The following DCT variants were observed in gnomAD, a reference collection of about 807,000 sequenced individuals.
The protein encoded by DCT is L-dopachrome tautomerase.
Under a neutral mutation model 53.0 loss-of-function variants are expected in DCT, and 47 were observed. The observed-to-expected ratio is 0.89, with a 90% confidence interval of 0.70 to 1.13. The LOEUF (loss-of-function observed/expected upper bound fraction) is 1.13. DCT is among the 50% of genes most tolerant of loss of function. The pLI is 0.00. For synonymous variants in DCT, 244 were observed against 237.0 expected (o/e 1.03, Z -0.27); for missense variants, 669 against 637.4 (o/e 1.05, Z -0.53).
At chr13:94,489,522 C>T in the DCT span, among the ~76,000 whole-genome samples, 2 of 152,214 alleles carry the variant, frequency 1.3e-5, no homozygotes, top group South Asian at 2.1e-4. Flanking sequence ...CAGAATCTGG[C>T]ACACAGTAGG....
chr13:94,477,250 C>T (rs943444196), intron 1 of DCT, among the ~76,000 whole-genome samples: 1 of 152,068 alleles, frequency 6.6e-6, no homozygotes, highest in African/African-American at 2.4e-5. Flanking sequence ...TGCCTGCCAC[C>T]ACACCCAGAT....
At chr13:94,453,450 C>T (rs959022895) in intron 6 of DCT, among the ~76,000 whole-genome samples, 5 of 151,976 alleles carry the variant, frequency 3.3e-5, no homozygotes, top group Non-Finnish European at 1.5e-5. Context: ...ATTTCACATA[C>T]AACAATGTTA....
intron 7 of DCT, among the ~76,000 whole-genome samples, chr13:94,442,778 T>G (rs1340930461): frequency 6.6e-6 from 1 of 152,320 alleles, no homozygotes; most frequent in South Asian, 2.1e-4. Flanking sequence ...GCAGGTGGTA[T>G]AGGCTAAATG....
At position 94,439,859 on chromosome 13, in the gene DCT, G is replaced by A. The variant is rs765100941; in HGVS notation, c.*39C>T. On this transcript the variant is annotated 3_prime_UTR_variant, in exon 8 of 8. Transcript: ENST00000377028. Reference sequence around the variant, plus strand: ...CTTTATTGTCAGCGTCAGAACTGTGGCTTGGCCAGCCTCTTCTCTTAGGTA... The same window carrying A: ...CTTTATTGTCAGCGTCAGAACTGTGACTTGGCCAGCCTCTTCTCTTAGGTA... 3.3e-6 allele frequency: 5 copies of A among 1,530,302 alleles called. No individual in the cohort carries two copies. In the South Asian group the frequency reaches 6.0e-5, roughly 18 times the overall value. 94.8% of individuals were successfully genotyped at this position (1,530,302 alleles called of 1,614,324 possible). A position where few individuals can be genotyped will look rare whatever the true frequency, so the allele number is the denominator to read the frequency against.
chr13:94,518,230 T>G, the DCT span, among the ~76,000 whole-genome samples: 4 of 152,106 alleles, frequency 2.6e-5, no homozygotes, highest in African/African-American at 9.6e-5. Context: ...CAACTAAGTG[T>G]TGTTAAAAAA....
chr13:94,464,871 C>A (rs79753632), intron 4 of DCT, among the ~76,000 whole-genome samples: 1 of 152,126 alleles, frequency 6.6e-6, no homozygotes, highest in Non-Finnish European at 1.5e-5. Flanking sequence ...CATCCTTCCC[C>A]GGCTGGCCCC....
chr13:94,488,869 CACATACACACACAA>C, the DCT span, among the ~76,000 whole-genome samples: 1 of 75,118 alleles, frequency 1.3e-5, no homozygotes, highest in Non-Finnish European at 3.4e-5. Flanking sequence ...TACATACACA[CACATACACACACAA>C]ACACACATAT....
chr13:94,513,019 A>G, the DCT span, among the ~76,000 whole-genome samples: 1 of 152,210 alleles, frequency 6.6e-6, no homozygotes, highest in Non-Finnish European at 1.5e-5. Flanking sequence ...GGGTGAGGCC[A>G]TGAACTTTTT....
At chr13:94,468,524 G>A (rs146795225) in intron 2 of DCT, 11 of 494,650 alleles carry the variant, frequency 2.2e-5, no homozygotes, top group East Asian at 1.9e-4. Context: ...AAGAACATAC[G>A]GTAGAGGAGA....
At chr13:94,542,564 C>T in the DCT span, among the ~76,000 whole-genome samples, 6 of 152,286 alleles carry the variant, frequency 3.9e-5, no homozygotes, top group South Asian at 1.2e-3. Context: ...TGGCAATTTT[C>T]TTCTCTTAAT....
chr13:94,533,478 C>A, the DCT span, among the ~76,000 whole-genome samples: 4 of 152,226 alleles, frequency 2.6e-5, no homozygotes, highest in South Asian at 8.3e-4. Flanking sequence ...AGGGAAAACA[C>A]CCTGGTTGAA....
At chr13:94,466,683 G>C (rs778250568) in intron 2 of DCT, 25 bp from the exon 3 acceptor site, 1 of 1,472,284 alleles carries the variant, frequency 6.8e-7, no homozygotes, top group Non-Finnish European at 9.4e-7. Context: ...AAACATATTA[G>C]AGATGACAGA....
chr13:94,472,403 C>T (rs1884702446), intron 1 of DCT, among the ~76,000 whole-genome samples: 1 of 150,984 alleles, frequency 6.6e-6, no homozygotes, highest in African/African-American at 2.4e-5. Flanking sequence ...AAAAATACAA[C>T]AATCAACACA....
upstream of DCT, among the ~76,000 whole-genome samples, chr13:94,484,495 G>T (rs1885579569): frequency 6.6e-6 from 1 of 152,140 alleles, no homozygotes; most frequent in African/African-American, 2.4e-5. Context: ...GTATTAGTTT[G>T]CTTTGGCTTC....
the DCT span, among the ~76,000 whole-genome samples, chr13:94,539,723 A>G: frequency 6.9e-4 from 105 of 152,320 alleles, no homozygotes; most frequent in Admixed American, 2.3e-3. Flanking sequence ...CAATTAGGGA[A>G]CATAAACATG....
In DCT at chr13:94,439,964, A is replaced by G; in HGVS notation, c.1494T>C (p.Leu498=). ...CCATTAGGGGTGTATATCCTTTTCG[A>G]AGTCTTCTATATTGAAGAAAAGCCA... ...VLLAFLQYRR[L]RKGYTPLMET... The change falls in exon 8 of 8, where the codon CTT becomes CTC. Residue 498 remains leucine, a synonymous_variant. Coordinates refer to ENST00000377028, the MANE Select transcript of DCT (RefSeq NM_001922.5). The G allele has an allele frequency of 6.2e-7, 1 of 1,613,968 alleles. No homozygotes were observed. Among genetic ancestry groups the G allele is most frequent in the Non-Finnish European group, 8.5e-7 (1 of 1,179,888 alleles).
At chr13:94,465,169 T>C (rs1884085121) in intron 4 of DCT, among the ~76,000 whole-genome samples, 1 of 152,216 alleles carries the variant, frequency 6.6e-6, no homozygotes, top group Admixed American at 6.5e-5. Context: ...GAAATCTATC[T>C]CGTTAATACA....
the DCT span, among the ~76,000 whole-genome samples, chr13:94,497,935 C>T: frequency 1.3e-5 from 2 of 152,122 alleles, no homozygotes; most frequent in South Asian, 4.2e-4. Flanking sequence ...GTTCAGTTTC[C>T]CTGGAGTACC....
chr13:94,523,772 C>A, the DCT span, among the ~76,000 whole-genome samples: 1 of 152,162 alleles, frequency 6.6e-6, no homozygotes, highest in Non-Finnish European at 1.5e-5. Context: ...TACACCCCCA[C>A]ATAAGCCCCC....
Sources: allele counts gnomAD v4.1 joint callset (sites outside exome capture counted in the v4.1 genomes callset), GRCh38; gene constraint gnomAD v4.1.1; transcripts MANE v1.5; gene names NCBI Gene and HGNC (gene_info 2026-07-23, HGNC 2026-07-21).